ZFP64: variants seen among roughly 807,000 people sequenced by gnomAD.
The protein encoded by ZFP64 is zinc finger protein 64.
ZFP64 carries 14 observed loss-of-function variants against 51.6 expected under a neutral mutation model. The ratio of observed to expected loss-of-function variants is 0.27; its 90% confidence interval spans 0.18 to 0.42. The LOEUF is 0.42. Ranked by LOEUF, ZFP64 falls within the 10% of genes least tolerant of loss-of-function variation. ZFP64 has a pLI of 1.00. For missense variants in ZFP64, 754 were observed against 906.8 expected, an observed-to-expected ratio of 0.83 and a Z score of 2.16; for synonymous variants, 375 against 361.4, an observed-to-expected ratio of 1.04 and a Z score of -0.43.
rs1039641628 is a variant in ZFP64, at chr20:52,111,151, G to A, written c.764-12564C>T. ...AGCCACATCGCCGGGTTCCGCGACG[G>A]GGAGGTGGGGAAGCCGTAGTGGAGA... is the stretch of plus-strand genomic sequence containing the variant. On this transcript the variant is annotated intron_variant, in intron 5 of 8. Coordinates refer to the ZFP64 transcript ENST00000361387. 11 of 692,250 alleles carry A rather than the reference G, an allele frequency of 1.6e-5. 1 individual carries two copies. Among genetic ancestry groups the A allele is most frequent in the Non-Finnish European group, 2.9e-5 (11 of 381,786 alleles). The allele number at this position is 692,250 out of a possible 1,614,324, so 42.9% of individuals were successfully genotyped here.
At chr20:52,096,323 C>T (rs1335381880) in intron 7 of ZFP64, among the ~76,000 whole-genome samples, 2 of 152,228 alleles carry the variant, frequency 1.3e-5, no homozygotes, top group African/African-American at 4.8e-5. Context: ...GCTCCCTGGC[C>T]TGCTTCCATT....
At chr20:52,088,487 C>T (rs775231013) in exon 8 of ZFP64, 20 of 1,614,044 alleles carry the variant, frequency 1.2e-5, no homozygotes, top group South Asian at 3.3e-5. Context: ...AGAGTGGATC[C>T]GCAGGTGCTT....
intron 5 of ZFP64, among the ~76,000 whole-genome samples, chr20:52,142,386 A>ACACACACGCGCG (rs776498875): frequency 1.6e-3 from 223 of 141,928 alleles, no homozygotes; most frequent in African/African-American, 3.9e-3. Context: ...AGACACACAC[A>ACACACACGCGCG]CACACACACA....
chr20:52,191,629 G>A lies in ZFP64; in HGVS notation c.8C>T (p.Ala3Val). The A allele has an allele frequency of 6.3e-7, 1 of 1,588,944 alleles. No individual in the cohort carries two copies. The stretch of plus-strand genomic sequence containing the variant: ...CGCGAAGCTCTCGCCCTCGCTGCTC[G>A]CGTTCATGGCCGCAGACTGGGAGGT... MN[A>V]SSEGESFAGS... Residue 3 changes from alanine to valine, a missense_variant, in exon 1 of 6, where the codon GCG (alanine) becomes GTG (valine). Physicochemically the swap from Ala to Val is moderately conservative, Grantham distance 64. Transcript: ENST00000216923. This position sits in a 1 kb window ranked among gnomAD's most constrained non-coding sequence, Gnocchi z 4.3.
intron 5 of ZFP64, among the ~76,000 whole-genome samples, chr20:52,122,503 C>CAAA (rs71192596): frequency 1.1e-5 from 1 of 91,132 alleles, no homozygotes; most frequent in Non-Finnish European, 2.2e-5. Flanking sequence ...GACTCCGTCT[C>CAAA]AAAAAAAAAA....
chr20:52,140,773 T>A (rs6091458), intron 5 of ZFP64, among the ~76,000 whole-genome samples: 1 of 151,936 alleles, frequency 6.6e-6, no homozygotes, highest in Admixed American at 6.6e-5. Flanking sequence ...TTTTTGTTTA[T>A]AAAAATAGTA....
exon 9 of ZFP64, chr20:52,084,543 C>A: frequency 1.2e-6 from 2 of 1,603,306 alleles, no homozygotes; most frequent in African/African-American, 1.3e-5. Flanking sequence ...AGCTGACCAC[C>A]CTCTTCGGCT....
rs746003956 is a variant in ZFP64, at chr20:52,186,814, C to G, written c.286+18G>C. ...AGCCAGGCCAATTCTGGCCGACTCCCCCATGCTCCAGCTGTACCTGTGATT... is the reference window on the plus strand; with the variant it reads ...AGCCAGGCCAATTCTGGCCGACTCCGCCATGCTCCAGCTGTACCTGTGATT... On this transcript the variant is annotated intron_variant, in intron 2 of 5. Coordinates refer to ENST00000216923, the MANE Select transcript of ZFP64 (RefSeq NM_018197.3). The G allele has an allele frequency of 1.9e-6, 3 of 1,590,556 alleles. No homozygotes were observed. Among genetic ancestry groups the G allele is most frequent in the East Asian group, 2.3e-5 (1 of 44,276 alleles).
At chr20:52,176,762 G>T (rs1332648221) in intron 2 of ZFP64, among the ~76,000 whole-genome samples, 2 of 152,004 alleles carry the variant, frequency 1.3e-5, no homozygotes, top group Admixed American at 1.3e-4. Flanking sequence ...ACCCGCCTCG[G>T]CCTCCCAAAG....
At chr20:52,120,667 C>CT (rs11469627) in intron 5 of ZFP64, among the ~76,000 whole-genome samples, 1,041 of 57,510 alleles carry the variant, frequency 0.018, 226 homozygotes, top group Non-Finnish European at 0.023. Context: ...GATCAGTGAT[C>CT]TTTTTTTTTT....
chr20:52,103,271 A>C (rs941598178), intron 5 of ZFP64, among the ~76,000 whole-genome samples: 2 of 152,180 alleles, frequency 1.3e-5, no homozygotes, highest in Non-Finnish European at 2.9e-5. Flanking sequence ...GAAGTCCACT[A>C]ATTACTTTCC....
chr20:52,142,839 CAAAAAAAAAA>C lies in ZFP64; in HGVS notation c.763+17274_763+17283del, dbSNP rs386393987. On this transcript the variant is annotated intron_variant, in intron 5 of 8. Coordinates refer to the ZFP64 transcript ENST00000361387. ...TGGGCGACAGAGTGAGACTCCATCTCAAAAAAAAAAAAAAAAAAAGCAAAAAAGAGGAAGA... is the reference window on the plus strand; with the variant it reads ...TGGGCGACAGAGTGAGACTCCATCTCAAAAAAAAAGCAAAAAAGAGGAAGA... Among the ~76,000 whole-genome samples the C allele has an allele frequency of 3.6e-5, 2 of 55,046 alleles. 1 individual carries two copies. Among genetic ancestry groups the C allele is most frequent in the African/African-American group, 1.1e-4 (2 of 17,844 alleles). 36.1% of individuals were successfully genotyped at this position (55,046 alleles called of 152,430 possible). A position where few individuals can be genotyped will look rare whatever the true frequency, so the allele number is the denominator to read the frequency against.
At chr20:52,169,312 C>T (rs1390122397) in intron 2 of ZFP64, among the ~76,000 whole-genome samples, 2 of 152,208 alleles carry the variant, frequency 1.3e-5, no homozygotes, top group African/African-American at 4.8e-5. Flanking sequence ...GATCAACCAT[C>T]CCTGTTTGCC....
At chr20:52,179,838 C>A (rs1003781920) in intron 2 of ZFP64, among the ~76,000 whole-genome samples, 1 of 152,138 alleles carries the variant, frequency 6.6e-6, no homozygotes, top group African/African-American at 2.4e-5. Flanking sequence ...ATCAGAGGCA[C>A]CAGCAAGTGG....
At chr20:52,174,096 C>G (rs1982978072) in intron 2 of ZFP64, among the ~76,000 whole-genome samples, 1 of 152,170 alleles carries the variant, frequency 6.6e-6, no homozygotes. Context: ...ACTGTTCCCC[C>G]TGCACCCACC....
chr20:52,145,702 G>A lies in ZFP64; in HGVS notation c.763+14421C>T, dbSNP rs568667814. Reference sequence around the variant, plus strand: ...ATGGTATAAAAGATAAAAATATGGTGCACCTGTTTAGGACACTTATCATGA... The same window carrying A: ...ATGGTATAAAAGATAAAAATATGGTACACCTGTTTAGGACACTTATCATGA... On this transcript the variant is annotated intron_variant, in intron 5 of 8. Coordinates refer to the ZFP64 transcript ENST00000361387. Among the ~76,000 whole-genome samples, 5 of 152,164 alleles carry A rather than the reference G, an allele frequency of 3.3e-5. No homozygotes were observed. The South Asian group carries it at 6.2e-4, about 19-fold the overall frequency.
chr20:52,171,648 C>T (rs1161862979), intron 2 of ZFP64, among the ~76,000 whole-genome samples: 1 of 151,998 alleles, frequency 6.6e-6, no homozygotes, highest in Non-Finnish European at 1.5e-5. Flanking sequence ...CACCACCACA[C>T]CTGGCTAATT....
intron 5 of ZFP64, among the ~76,000 whole-genome samples, chr20:52,158,904 C>A (rs1981545417): frequency 6.6e-6 from 1 of 152,226 alleles, no homozygotes; most frequent in Admixed American, 6.5e-5. Flanking sequence ...TGGGCTTACA[C>A]TGGGGCTTGC....
At chr20:52,134,041 A>G (rs769583891) in intron 5 of ZFP64, among the ~76,000 whole-genome samples, 6,809 of 150,674 alleles carry the variant, frequency 0.045, 203 homozygotes, top group Non-Finnish European at 0.07. Context: ...AAAAAAAAAA[A>G]AAAAAAAAAA....
Sources: allele counts gnomAD v4.1 joint callset (sites outside exome capture counted in the v4.1 genomes callset), GRCh38; gene constraint gnomAD v4.1.1; non-coding constraint Gnocchi (gnomAD v3.1); transcripts MANE v1.5; gene names NCBI Gene and HGNC (gene_info 2026-07-23, HGNC 2026-07-21).